The following FRMD4B variants were observed in gnomAD, a reference collection of about 807,000 sequenced individuals.
FRMD4B encodes the protein FERM domain containing 4B.
FRMD4B carries 74 observed loss-of-function variants against 141.5 expected under a neutral mutation model. That is an observed-to-expected ratio of 0.52 (90% CI 0.43 to 0.63). FRMD4B has a LOEUF of 0.63. Ranked by LOEUF, FRMD4B falls within the 30% of genes least tolerant of loss-of-function variation. The pLI is 0.00. For synonymous variants in FRMD4B, 506 were observed against 467.9 expected, an observed-to-expected ratio of 1.08 and a Z score of -1.05; for missense variants, 1,366 against 1,253.4, an observed-to-expected ratio of 1.09 and a Z score of -1.36.
chr3:69,422,415 G>A (rs1036465686), intron 2 of FRMD4B, among the ~76,000 whole-genome samples: 1 of 151,746 alleles, frequency 6.6e-6, no homozygotes, highest in South Asian at 2.1e-4. Context: ...AAAGGAGAGG[G>A]GGCAGGGAAG....
intron 1 of FRMD4B, among the ~76,000 whole-genome samples, chr3:69,318,623 AG>A (rs1701884214): frequency 6.6e-6 from 1 of 152,224 alleles, no homozygotes; most frequent in African/African-American, 2.4e-5. Flanking sequence ...CTGATAGGTC[AG>A]GGGGCTGATT....
intron 1 of FRMD4B, among the ~76,000 whole-genome samples, chr3:69,382,395 G>A (rs1269897517): frequency 3.3e-5 from 5 of 152,160 alleles, no homozygotes; most frequent in Non-Finnish European, 5.9e-5. Flanking sequence ...CGCTGGTCTT[G>A]AACTCCTGAC....
At chr3:69,521,635 G>C (rs957753303) in intron 1 of FRMD4B, among the ~76,000 whole-genome samples, 1 of 152,096 alleles carries the variant, frequency 6.6e-6, no homozygotes, top group Non-Finnish European at 1.5e-5. Flanking sequence ...GGCCATCTTT[G>C]ATTTAATCTT....
chr3:69,217,161 G>A (rs536825197), intron 10 of FRMD4B, among the ~76,000 whole-genome samples: 9 of 152,292 alleles, frequency 5.9e-5, no homozygotes, highest in African/African-American at 1.9e-4. Context: ...TTCAATGACA[G>A]GATGTTTGAA....
In FRMD4B at chr3:69,217,353, G is replaced by T. The variant is rs541203159; in HGVS notation, c.789+969C>A. The stretch of plus-strand genomic sequence containing the variant: ...GTTAAATTGGAGGCCAGGCGTGGTG[G>T]TTCATGCCTGTAATCCCAGCACTTT... On this transcript the variant is annotated intron_variant, in intron 10 of 22. Transcript: ENST00000398540. 4.6e-5 allele frequency among the ~76,000 whole-genome samples: 7 copies of T among 152,296 alleles called. No homozygotes were observed. In the South Asian group the frequency reaches 1.4e-3, roughly 32 times the overall value.
In FRMD4B at chr3:69,268,643, T is replaced by A. The variant is rs1030234612; in HGVS notation, c.502-18544A>T. On this transcript the variant is annotated intron_variant, in intron 5 of 22. Transcript: ENST00000398540. ...AGGTGCTTAAAAGATAATCAAGGAT[T>A]TTAGAGGAAGAAAGGATGAATCAGG... Among the ~76,000 whole-genome samples the A allele has an allele frequency of 3.3e-5, 5 of 151,880 alleles. No homozygotes were observed. In the South Asian group the frequency reaches 1.0e-3, roughly 32 times the overall value.
intron 7 of FRMD4B, among the ~76,000 whole-genome samples, chr3:69,231,967 G>A (rs993515473): frequency 1.3e-5 from 2 of 152,272 alleles, no homozygotes; most frequent in South Asian, 2.1e-4. Context: ...AGGGATCTAC[G>A]GAGCTTGTAG....
intron 11 of FRMD4B, among the ~76,000 whole-genome samples, chr3:69,209,125 C>T (rs920627114): frequency 6.8e-6 from 1 of 147,368 alleles, no homozygotes; most frequent in African/African-American, 2.5e-5. Flanking sequence ...GCCTGGGCAA[C>T]AGAGCGAGAA....
chr3:69,526,920 A>G (rs1041089831), intron 1 of FRMD4B, among the ~76,000 whole-genome samples: 2 of 152,130 alleles, frequency 1.3e-5, no homozygotes, highest in Non-Finnish European at 1.5e-5. Flanking sequence ...CGCCTCCCAT[A>G]TCCACTTCAG....
intron 5 of FRMD4B, among the ~76,000 whole-genome samples, chr3:69,263,298 G>C (rs1273584668): frequency 6.6e-6 from 1 of 151,356 alleles, no homozygotes; most frequent in African/African-American, 2.4e-5. Flanking sequence ...AATGGTAGCA[G>C]ACAGAATAAG....
chr3:69,342,387 C>A (rs1702768368), intron 1 of FRMD4B, among the ~76,000 whole-genome samples: 1 of 152,098 alleles, frequency 6.6e-6, no homozygotes, highest in Non-Finnish European at 1.5e-5. Context: ...TATCAAGATG[C>A]AGAGAGATTC....
intron 17 of FRMD4B, among the ~76,000 whole-genome samples, chr3:69,190,279 C>T (rs1238620090): frequency 6.6e-6 from 1 of 152,062 alleles, no homozygotes; most frequent in Non-Finnish European, 1.5e-5. Flanking sequence ...GATCAACAAA[C>T]TGGAAAGAAA....
chr3:69,426,534 G>A (rs1481656986), intron 2 of FRMD4B, among the ~76,000 whole-genome samples: 3 of 152,186 alleles, frequency 2.0e-5, no homozygotes, highest in Non-Finnish European at 2.9e-5. Context: ...GTTCTACAAA[G>A]AAAGGGTGCT....
intron 1 of FRMD4B, among the ~76,000 whole-genome samples, chr3:69,349,212 TC>T (rs1283581744): frequency 6.6e-6 from 1 of 152,172 alleles, no homozygotes; most frequent in African/African-American, 2.4e-5. Flanking sequence ...ATGAGTGAAC[TC>T]CCATTCACAA....
At chr3:69,297,823 G>A (rs1701081306) in intron 4 of FRMD4B, among the ~76,000 whole-genome samples, 1 of 152,038 alleles carries the variant, frequency 6.6e-6, no homozygotes, top group Non-Finnish European at 1.5e-5. Context: ...ATAGAGAACT[G>A]GTTAAATAAA....
chr3:69,333,006 T>C (rs1702430109), intron 1 of FRMD4B, among the ~76,000 whole-genome samples: 1 of 152,136 alleles, frequency 6.6e-6, no homozygotes, highest in East Asian at 1.9e-4. Flanking sequence ...CTTCATCTTG[T>C]GCCTTTTACA....
At chr3:69,175,763 T>C (rs975262848) in intron 22 of FRMD4B, among the ~76,000 whole-genome samples, 1 of 136,972 alleles carries the variant, frequency 7.3e-6, no homozygotes, top group Non-Finnish European at 1.5e-5. Context: ...CTTTTTCTTT[T>C]CTTCTCTTTT....
chr3:69,531,330 A>G (rs1248337886), intron 1 of FRMD4B, among the ~76,000 whole-genome samples: 2 of 152,218 alleles, frequency 1.3e-5, no homozygotes, highest in African/African-American at 4.8e-5. Context: ...GCACAGAACA[A>G]AAAGCAATCT....
At chr3:69,213,377 A>C (rs1323053480) in intron 11 of FRMD4B, among the ~76,000 whole-genome samples, 1 of 151,678 alleles carries the variant, frequency 6.6e-6, no homozygotes, top group Non-Finnish European at 1.5e-5. Context: ...GGTAAAAAAA[A>C]AAAAAAAAGC....
Sources: allele counts gnomAD v4.1 joint callset (sites outside exome capture counted in the v4.1 genomes callset), GRCh38; gene constraint gnomAD v4.1.1; transcripts MANE v1.5; gene names NCBI Gene and HGNC (gene_info 2026-07-23, HGNC 2026-07-21).